The following SEMA6A variants were observed in gnomAD, a reference collection of about 807,000 sequenced individuals.
SEMA6A encodes the protein semaphorin 6A.
A neutral mutation model predicts 96.8 loss-of-function variants in SEMA6A; 25 were observed. That is an observed-to-expected ratio of 0.26 (90% CI 0.19 to 0.36). The LOEUF (loss-of-function observed/expected upper bound fraction) is 0.36. SEMA6A is among the 10% of genes least tolerant of loss of function. SEMA6A has a pLI of 1.00. For missense variants in SEMA6A, 1,363 were observed against 1,323.1 expected (o/e 1.03, Z -0.47); for synonymous variants, 612 against 518.0 (o/e 1.18, Z -2.46).
chr5:116,467,221 G>A (rs954379232), intron 18 of SEMA6A, among the ~76,000 whole-genome samples: 7 of 152,056 alleles, frequency 4.6e-5, no homozygotes, highest in East Asian at 3.9e-4. Flanking sequence ...GCCAAAGCCC[G>A]AACTGCATTC....
intron 15 of SEMA6A, among the ~76,000 whole-genome samples, chr5:116,475,880 A>T (rs1195148374): frequency 6.6e-6 from 1 of 152,212 alleles, no homozygotes; most frequent in Non-Finnish European, 1.5e-5. Flanking sequence ...CTTTACTCTA[A>T]TTCTCTGAGC....
chr5:116,488,780 A>T, intron 8 of SEMA6A, 108 bp downstream of exon 8: 2 of 1,285,130 alleles, frequency 1.6e-6, no homozygotes, highest in African/African-American at 3.0e-5. Flanking sequence ...GTCTGTCAGA[A>T]GCCATTACTC....
At chr5:116,449,308 A>G in intron 18 of SEMA6A, 1 of 702,448 alleles carries the variant, frequency 1.4e-6, no homozygotes, top group Non-Finnish European at 2.6e-6. Context: ...AGCAAGACAG[A>G]AAAGGTACCT....
chr5:116,531,310 A>G (rs558841275), intron 1 of SEMA6A, among the ~76,000 whole-genome samples: 4 of 152,234 alleles, frequency 2.6e-5, no homozygotes, highest in Non-Finnish European at 1.5e-5. Flanking sequence ...CAATGACTAC[A>G]ACACAAAGTA....
At chr5:116,532,040 C>A (rs990889799) in intron 1 of SEMA6A, among the ~76,000 whole-genome samples, 1 of 152,188 alleles carries the variant, frequency 6.6e-6, no homozygotes, top group Non-Finnish European at 1.5e-5. Context: ...CTCCCTTGTT[C>A]AAGTGTGCTC....
At chr5:116,455,827 T>C (rs564354484) in intron 18 of SEMA6A, among the ~76,000 whole-genome samples, 19 of 152,306 alleles carry the variant, frequency 1.2e-4, no homozygotes, top group African/African-American at 4.3e-4. Context: ...GTTTGCGTGT[T>C]GGCTCTACAA....
intron 1 of SEMA6A, among the ~76,000 whole-genome samples, chr5:116,516,417 T>C (rs1283466693): frequency 6.6e-6 from 1 of 152,240 alleles, no homozygotes; most frequent in African/African-American, 2.4e-5. Flanking sequence ...GCCTGCTTTA[T>C]GTCTCAGTGA....
At chr5:116,545,973 A>G (rs188880071) in intron 1 of SEMA6A, among the ~76,000 whole-genome samples, 75 of 152,338 alleles carry the variant, frequency 4.9e-4, no homozygotes, top group Non-Finnish European at 7.8e-4. Flanking sequence ...GGGACACAGT[A>G]GAGCTATTTC....
At chr5:116,475,178 A>G (rs112147529) in intron 16 of SEMA6A, among the ~76,000 whole-genome samples, 1 of 152,316 alleles carries the variant, frequency 6.6e-6, no homozygotes, top group Non-Finnish European at 1.5e-5. Context: ...TACAATGATC[A>G]ATCTTATTAT....
intron 1 of SEMA6A, among the ~76,000 whole-genome samples, chr5:116,512,130 C>T (rs751390228): frequency 8.5e-5 from 13 of 152,206 alleles, no homozygotes; most frequent in African/African-American, 1.4e-4. Context: ...TTTCAAGGAC[C>T]GCAGCATTAA....
At chr5:116,509,041 C>T (rs1329853866) in intron 1 of SEMA6A, among the ~76,000 whole-genome samples, 1 of 152,152 alleles carries the variant, frequency 6.6e-6, no homozygotes, top group Non-Finnish European at 1.5e-5. Flanking sequence ...GCTGGGCTGC[C>T]CCACCAACTG....
chr5:116,444,082 G>C lies in SEMA6A; in HGVS notation c.*2531C>G, dbSNP rs189092800. Reference sequence around the variant, plus strand: ...GGGAGTCAAGCATGGGAAAGAAGGGGGCAGGGGGATACAGACCCATCACCT... The same window carrying C: ...GGGAGTCAAGCATGGGAAAGAAGGGCGCAGGGGGATACAGACCCATCACCT... On this transcript the variant is annotated 3_prime_UTR_variant, in exon 19 of 19. Transcript: ENST00000343348. The C allele has an allele frequency of 4.9e-4, 75 of 152,212 alleles. No individual in the cohort carries two copies. Among genetic ancestry groups the C allele is most frequent in the Middle Eastern group, 3.4e-3 (1 of 294 alleles). 9.4% of individuals were successfully genotyped at this position (152,212 alleles called of 1,614,324 possible).
At chr5:116,562,985 A>AG (rs1760879676) in intron 1 of SEMA6A, 3 of 568,540 alleles carry the variant, frequency 5.3e-6, no homozygotes, top group Admixed American at 2.0e-5. Flanking sequence ...ACCCGCAGGA[A>AG]GGGGGGTCGC....
chr5:116,555,653 A>G (rs1760577797), intron 1 of SEMA6A, among the ~76,000 whole-genome samples: 1 of 151,828 alleles, frequency 6.6e-6, no homozygotes, highest in African/African-American at 2.4e-5. Context: ...AGCCTGAGCA[A>G]CATGGCAAGA....
chr5:116,523,786 A>G (rs1759079808), intron 1 of SEMA6A, among the ~76,000 whole-genome samples: 1 of 152,182 alleles, frequency 6.6e-6, no homozygotes, highest in Admixed American at 6.5e-5. Context: ...CTGGGCTGTG[A>G]AAAATTTTAG....
At chr5:116,480,582 T>C (rs1756705067) in intron 11 of SEMA6A, among the ~76,000 whole-genome samples, 2 of 151,908 alleles carry the variant, frequency 1.3e-5, no homozygotes, top group African/African-American at 4.8e-5. Context: ...AGTGAGTGAG[T>C]GTGGTTTGCA....
chr5:116,473,233 G>C, intron 16 of SEMA6A, 140 bp from the exon 17 acceptor site: 1 of 775,510 alleles, frequency 1.3e-6, no homozygotes, highest in Non-Finnish European at 2.1e-6. Context: ...TAATTTCTGC[G>C]TGTAATGTAA....
At chr5:116,466,982 G>A (rs1225831332) in intron 18 of SEMA6A, among the ~76,000 whole-genome samples, 4 of 152,146 alleles carry the variant, frequency 2.6e-5, no homozygotes, top group Non-Finnish European at 4.4e-5. Context: ...CTTTCATTTA[G>A]TGTGGCTTCC....
intron 1 of SEMA6A, among the ~76,000 whole-genome samples, chr5:116,535,079 T>C (rs1439398121): frequency 1.3e-5 from 2 of 152,058 alleles, no homozygotes; most frequent in Admixed American, 6.6e-5. Context: ...TACACAAACA[T>C]TGTGTTGGGA....
Sources: allele counts gnomAD v4.1 joint callset (sites outside exome capture counted in the v4.1 genomes callset), GRCh38; gene constraint gnomAD v4.1.1; transcripts MANE v1.5; gene names NCBI Gene and HGNC (gene_info 2026-07-23, HGNC 2026-07-21).